Variants in GALNT18 observed in about 807,000 individuals in gnomAD.
GALNT18 encodes the protein polypeptide N-acetylgalactosaminyltransferase 18, also known as GalNAc-transferase 18.
A neutral mutation model predicts 69.5 loss-of-function variants in GALNT18; 44 were observed. The ratio of observed to expected loss-of-function variants is 0.63; its 90% CI spans 0.50 to 0.81. The LOEUF (loss-of-function observed/expected upper bound fraction) is 0.81. Among genes scored for constraint, GALNT18 ranks in the 40% least tolerant of loss-of-function variants. The probability of loss-of-function intolerance (pLI) is 0.00; values close to 1 mark genes in which losing one functional copy is unlikely to be tolerated. For missense variants in GALNT18, 715 were observed against 810.0 expected (o/e 0.88, Z 1.42); for synonymous variants, 364 against 318.2 (o/e 1.14, Z -1.53).
chr11:11,521,661 G>A (rs951862882), intron 1 of GALNT18, among the ~76,000 whole-genome samples: 4 of 152,092 alleles, frequency 2.6e-5, no homozygotes, highest in African/African-American at 9.7e-5. Flanking sequence ...TACAGTGGCG[G>A]GAGAACAAAA....
At position 11,497,325 on chromosome 11, in the gene GALNT18, C is replaced by CGAA; in HGVS notation, c.236-48390_236-48389insTTC. 7.6e-6 allele frequency among the ~76,000 whole-genome samples: 1 copy of CGAA among 131,646 alleles called. No homozygotes were observed. Among genetic ancestry groups the CGAA allele is most frequent in the Non-Finnish European group, 1.6e-5 (1 of 63,226 alleles). The allele number at this position is 131,646 out of a possible 152,430, so 86.4% of individuals were successfully genotyped here. On this transcript the variant is annotated intron_variant, in intron 1 of 10. Transcript: ENST00000227756. This position sits in a 1 kb window ranked among gnomAD's most constrained non-coding sequence, Gnocchi z 4.2. ...ATTATTTATGTTTTACCTCCTGTCT[C>CGAA]CAACACACACACACACACACACACA...
chr11:11,490,711 C>A (rs938442943), intron 1 of GALNT18, among the ~76,000 whole-genome samples: 2 of 152,088 alleles, frequency 1.3e-5, no homozygotes, highest in Non-Finnish European at 2.9e-5. Context: ...TCAGAGACAG[C>A]CCAGAAGGTC....
rs555527586 is a variant in GALNT18 at position 11,446,879 on chromosome 11, T to C, written c.428+1865A>G. On this transcript the variant is annotated intron_variant, in intron 2 of 10. Coordinates refer to ENST00000227756, the MANE Select transcript of GALNT18 (RefSeq NM_198516.3). The stretch of plus-strand genomic sequence containing the variant: ...TGAAGCCCTTCTCCTGGGATTCACC[T>C]TGACTGCACATCGGAATCACCCAGG... 8.0e-4 allele frequency among the ~76,000 whole-genome samples: 122 copies of C among 152,316 alleles called. 1 individual carries two copies. Among genetic ancestry groups the C allele is most frequent in the African/African-American group, 2.6e-3 (110 of 41,566 alleles).
intron 1 of GALNT18, among the ~76,000 whole-genome samples, chr11:11,533,951 G>A (rs910219451): frequency 2.0e-5 from 3 of 152,182 alleles, no homozygotes; most frequent in East Asian, 1.9e-4. Context: ...CCAGCCCCTC[G>A]GGAATTATAG....
chr11:11,280,901 G>A (rs1849059400), intron 10 of GALNT18, among the ~76,000 whole-genome samples: 1 of 152,172 alleles, frequency 6.6e-6, no homozygotes, highest in African/African-American at 2.4e-5. Flanking sequence ...TAGGCCCAGA[G>A]GCATCCCCTG....
intron 3 of GALNT18, among the ~76,000 whole-genome samples, chr11:11,403,637 C>T (rs1854517701): frequency 6.6e-6 from 1 of 152,198 alleles, no homozygotes; most frequent in Non-Finnish European, 1.5e-5. Flanking sequence ...ATACTCTCTC[C>T]TCCCCTGTTA....
rs886504873 is a variant in GALNT18, at chr11:11,318,785, A to G, written c.1512+8301T>C. On this transcript the variant is annotated intron_variant, in intron 9 of 10. Coordinates refer to ENST00000227756, the MANE Select transcript of GALNT18 (RefSeq NM_198516.3). This position sits in a 1 kb window ranked among gnomAD's most constrained non-coding sequence, Gnocchi z 5.1. ...GAAATAAGGCAAAAACAAAGAGGGG[A>G]AGTGGCCTGTCCTTTTAATATTATC... Among the ~76,000 whole-genome samples, 2 of 152,184 alleles carry G rather than the reference A, an allele frequency of 1.3e-5. No homozygotes were observed. Among genetic ancestry groups the G allele is most frequent in the African/African-American group, 2.4e-5 (1 of 41,450 alleles).
At position 11,584,432 on chromosome 11, in the gene GALNT18, A is replaced by G. The variant is rs374840458; in HGVS notation, c.235+36927T>C. 3.9e-5 allele frequency among the ~76,000 whole-genome samples: 6 copies of G among 152,352 alleles called. No individual in the cohort carries two copies. In the South Asian group the frequency reaches 6.2e-4, roughly 16 times the overall value. On this transcript the variant is annotated intron_variant, in intron 1 of 10. Transcript: ENST00000227756. This position sits in a 1 kb window ranked among gnomAD's most constrained non-coding sequence, Gnocchi z 4.1. ...TGGAAAGCTGATGGGAGATGCCGTA[A>G]GAGAAATGGGTTCCTATTCTCCAGT...
At chr11:11,549,959 C>A (rs930581258) in intron 1 of GALNT18, among the ~76,000 whole-genome samples, 2 of 152,208 alleles carry the variant, frequency 1.3e-5, no homozygotes, top group Non-Finnish European at 2.9e-5. Flanking sequence ...TGCCAGCCAC[C>A]CAGCTCTGGC....
intron 10 of GALNT18, among the ~76,000 whole-genome samples, chr11:11,286,022 G>A (rs796252039): frequency 4.6e-5 from 7 of 152,150 alleles, no homozygotes; most frequent in Middle Eastern, 3.4e-3. Flanking sequence ...GTGGCTATCC[G>A]CAACGTTCCC....
At chr11:11,363,567 T>C (rs892797146) in intron 6 of GALNT18, among the ~76,000 whole-genome samples, 30 of 152,288 alleles carry the variant, frequency 2.0e-4, no homozygotes, top group Middle Eastern at 6.8e-3. Context: ...AATTTTGTCA[T>C]GAAAGAAAGG....
At chr11:11,410,888 C>G (rs72858929) in intron 3 of GALNT18, among the ~76,000 whole-genome samples, 1 of 152,256 alleles carries the variant, frequency 6.6e-6, no homozygotes, top group Non-Finnish European at 1.5e-5. Context: ...CAAGCCCTCC[C>G]CAGTATACAT....
At chr11:11,545,975 C>T (rs576521812) in intron 1 of GALNT18, among the ~76,000 whole-genome samples, 4 of 152,174 alleles carry the variant, frequency 2.6e-5, no homozygotes, top group Admixed American at 6.5e-5. Flanking sequence ...CAGAAAAGAA[C>T]AGAGCTAACT....
At chr11:11,289,176 C>T (rs1849251909) in intron 10 of GALNT18, among the ~76,000 whole-genome samples, 1 of 152,202 alleles carries the variant, frequency 6.6e-6, no homozygotes, top group African/African-American at 2.4e-5. Context: ...CCAATGAGGG[C>T]TCGAGGAGAG....
chr11:11,551,828 T>C lies in GALNT18; in HGVS notation c.235+69531A>G, dbSNP rs538549887. Among the ~76,000 whole-genome samples, 6 of 152,252 alleles carry C rather than the reference T, an allele frequency of 3.9e-5. No homozygotes were observed. In the East Asian group the frequency reaches 1.2e-3, roughly 29 times the overall value. On this transcript the variant is annotated intron_variant, in intron 1 of 10. Transcript: ENST00000227756. The stretch of plus-strand genomic sequence containing the variant: ...GGATTATCATTAGTTCTTATAGGTT[T>C]TGGGATAGGCGGTGGAGTTAGGAGC...
chr11:11,450,099 GGTC>G (rs1472974528), intron 1 of GALNT18, among the ~76,000 whole-genome samples: 2 of 152,166 alleles, frequency 1.3e-5, no homozygotes, highest in Non-Finnish European at 2.9e-5. Flanking sequence ...CACTGGACAG[GGTC>G]GTCTATGCTC....
chr11:11,443,115 G>A (rs1472852465), intron 2 of GALNT18, among the ~76,000 whole-genome samples: 1 of 152,210 alleles, frequency 6.6e-6, no homozygotes, highest in African/African-American at 2.4e-5. Flanking sequence ...AAAAGAATGT[G>A]ACATGAGTCT....
intron 1 of GALNT18, among the ~76,000 whole-genome samples, chr11:11,489,229 G>A (rs113453751): frequency 6.0e-4 from 92 of 152,334 alleles, no homozygotes; most frequent in Middle Eastern, 3.4e-3. Flanking sequence ...TATTATGACA[G>A]TGAAATGAGC....
Position 11,309,965 on chromosome 11 carries a change from C to T in GALNT18, c.1513-16772G>A, listed in dbSNP as rs940108371. ...TCTCTACTTATTTCTTCCCTTCAGT[C>T]TCAAAACATGTTCCCTTATTGCTTT... On this transcript the variant is annotated intron_variant, in intron 9 of 10. Transcript: ENST00000227756. This position sits in a 1 kb window ranked among gnomAD's most constrained non-coding sequence, Gnocchi z 4.6. Among the ~76,000 whole-genome samples, 1 of 150,728 alleles carries T rather than the reference C, an allele frequency of 6.6e-6. No individual in the cohort carries two copies. The highest frequency in any genetic ancestry group is 1.9e-4 in the East Asian group (1 of 5,198).
Sources: allele counts gnomAD v4.1 joint callset (sites outside exome capture counted in the v4.1 genomes callset), GRCh38; gene constraint gnomAD v4.1.1; non-coding constraint Gnocchi (gnomAD v3.1); transcripts MANE v1.5; gene names NCBI Gene and HGNC (gene_info 2026-07-23, HGNC 2026-07-21).